Variants in CACNA2D1 observed in about 807,000 individuals in gnomAD.
CACNA2D1 encodes calcium voltage-gated channel auxiliary subunit alpha2delta 1.
Under a neutral mutation model 171.5 loss-of-function variants are expected in CACNA2D1, and 53 were observed. That is an observed-to-expected ratio of 0.31 (90% CI 0.25 to 0.39). The LOEUF (loss-of-function observed/expected upper bound fraction) is 0.39, where lower values mean the gene tolerates loss of function less well. Ranked by LOEUF, CACNA2D1 falls within the 10% of genes least tolerant of loss-of-function variation. CACNA2D1 has a pLI of 1.00. For synonymous variants in CACNA2D1, 442 were observed against 443.1 expected, an observed-to-expected ratio of 1.00 and a Z score of 0.03; for missense variants, 903 against 1,299.8, an observed-to-expected ratio of 0.69 and a Z score of 4.69.
At chr7:82,429,702 GT>G (rs1213021101) in intron 1 of CACNA2D1, among the ~76,000 whole-genome samples, 2 of 152,060 alleles carry the variant, frequency 1.3e-5, no homozygotes, top group African/African-American at 2.4e-5. Flanking sequence ...ATTCCCCTAT[GT>G]TTATTCATTA....
At chr7:81,981,834 T>C (rs1796468845) in intron 24 of CACNA2D1, among the ~76,000 whole-genome samples, 1 of 151,960 alleles carries the variant, frequency 6.6e-6, no homozygotes, top group Admixed American at 6.6e-5. Flanking sequence ...TAGAAAGAAA[T>C]GAGGTGCATC....
intron 19 of CACNA2D1, among the ~76,000 whole-genome samples, 157 bp downstream of exon 19, chr7:81,997,022 G>T (rs1250218251): frequency 6.6e-6 from 1 of 151,962 alleles, no homozygotes. Flanking sequence ...GAAAACCTAG[G>T]ATCTAGAAAA....
intron 3 of CACNA2D1, among the ~76,000 whole-genome samples, chr7:82,179,110 T>G (rs1796850753): frequency 6.6e-6 from 1 of 152,116 alleles, no homozygotes; most frequent in Admixed American, 6.6e-5. Context: ...ATTGCTAGAT[T>G]AACTCAACAC....
At chr7:82,308,536 A>C (rs1353591168) in intron 3 of CACNA2D1, among the ~76,000 whole-genome samples, 1 of 152,176 alleles carries the variant, frequency 6.6e-6, no homozygotes, top group Non-Finnish European at 1.5e-5. Flanking sequence ...CCACCTGTTC[A>C]ACTAAATGGA....
rs1792062955 is a variant in CACNA2D1 at position 81,946,516 on chromosome 7, T to C, written c.*3876A>G. Reference sequence around the variant, plus strand: ...AGATTTAACACAACATTTTCTGGGATTATAAATATTTTATAACAGTATTAT... The same window carrying C: ...AGATTTAACACAACATTTTCTGGGACTATAAATATTTTATAACAGTATTAT... On this transcript the variant is annotated 3_prime_UTR_variant, in exon 39 of 39. Coordinates refer to ENST00000356860, the MANE Select transcript of CACNA2D1 (RefSeq NM_000722.4). 6.6e-6 allele frequency: 1 copy of C among 152,156 alleles called. No homozygotes were observed. Among genetic ancestry groups the C allele is most frequent in the Non-Finnish European group, 1.5e-5 (1 of 68,020 alleles). The allele number at this position is 152,156 out of a possible 1,614,324, so 9.4% of individuals were successfully genotyped here.
At chr7:82,355,950 C>G (rs1820372328) in intron 1 of CACNA2D1, among the ~76,000 whole-genome samples, 2 of 152,012 alleles carry the variant, frequency 1.3e-5, no homozygotes, top group Admixed American at 1.3e-4. Context: ...TCAATATCTT[C>G]CCCCCTCCCC....
At chr7:82,199,678 C>T (rs1374909249) in intron 3 of CACNA2D1, among the ~76,000 whole-genome samples, 2 of 151,972 alleles carry the variant, frequency 1.3e-5, no homozygotes, top group East Asian at 1.9e-4. Context: ...TGAAGTTATA[C>T]ATATTCTCAC....
chr7:82,300,418 C>T (rs984671558), intron 3 of CACNA2D1, among the ~76,000 whole-genome samples: 6 of 151,902 alleles, frequency 3.9e-5, no homozygotes, highest in Admixed American at 3.9e-4. Context: ...ATTTGAAAAG[C>T]TCTTTCATCA....
intron 6 of CACNA2D1, among the ~76,000 whole-genome samples, chr7:82,095,520 G>A (rs763424537): frequency 6.6e-6 from 1 of 152,130 alleles, no homozygotes; most frequent in Non-Finnish European, 1.5e-5. Flanking sequence ...CAATTGCACA[G>A]ACTTCTAGTT....
rs150571440 is a variant in CACNA2D1, at chr7:82,038,263, A to G, written c.880-28T>C. The G allele has an allele frequency of 5.6e-3, 8,872 of 1,583,042 alleles. 46 individuals are homozygous for G. Among genetic ancestry groups the G allele is most frequent in the Non-Finnish European group, 6.5e-3 (7,485 of 1,154,952 alleles). ...GCAAAAGATTAAAAAGTAAATATAT[A>G]AATGAACATTAAAATCAACCATATA... On this transcript the variant is annotated intron_variant, in intron 10 of 38. Coordinates refer to ENST00000356860, the MANE Select transcript of CACNA2D1 (RefSeq NM_000722.4).
chr7:82,011,658 GA>G (rs1285381235), intron 15 of CACNA2D1, among the ~76,000 whole-genome samples: 1 of 152,128 alleles, frequency 6.6e-6, no homozygotes, highest in Non-Finnish European at 1.5e-5. Context: ...AGTTTGTGAT[GA>G]TTTCAGTATA....
At chr7:82,186,987 C>A (rs1430374902) in intron 3 of CACNA2D1, among the ~76,000 whole-genome samples, 1 of 152,176 alleles carries the variant, frequency 6.6e-6, no homozygotes, top group Non-Finnish European at 1.5e-5. Flanking sequence ...CATTAGTATT[C>A]AGTGACTCTA....
At chr7:82,429,885 G>A (rs1159244671) in intron 1 of CACNA2D1, among the ~76,000 whole-genome samples, 2 of 152,124 alleles carry the variant, frequency 1.3e-5, no homozygotes, top group African/African-American at 2.4e-5. Flanking sequence ...TGGACTGACA[G>A]CCAAGCAGCT....
chr7:81,967,211 A>C lies in CACNA2D1; in HGVS notation c.2464-4T>G, dbSNP rs752369061. On this transcript the variant is annotated splice_polypyrimidine_tract_variant and splice_region_variant and intron_variant, in intron 30 of 38. Transcript: ENST00000356860. ...AGTCACAAACTGGACCAGCACACTG[A>C]AAGACAAAAATGCGATTATCACCTC... is the stretch of plus-strand genomic sequence containing the variant. The C allele has an allele frequency of 5.6e-6, 9 of 1,606,888 alleles. No individual in the cohort carries two copies. The Admixed American group carries it at 1.3e-4, about 24-fold the overall frequency.
intron 1 of CACNA2D1, among the ~76,000 whole-genome samples, chr7:82,436,315 A>C (rs1047852699): frequency 6.6e-5 from 10 of 152,106 alleles, no homozygotes; most frequent in Admixed American, 2.0e-4. Flanking sequence ...CCTGCAAGTT[A>C]TTTCTTTCTT....
intron 21 of CACNA2D1, among the ~76,000 whole-genome samples, chr7:81,990,359 T>C (rs1305943800): frequency 6.6e-6 from 1 of 152,142 alleles, no homozygotes. Context: ...ATAATTTTTA[T>C]TTTTCTTTAC....
intron 3 of CACNA2D1, among the ~76,000 whole-genome samples, chr7:82,267,674 G>GA (rs1026381096): frequency 2.7e-4 from 41 of 152,160 alleles, no homozygotes; most frequent in African/African-American, 9.4e-4. Context: ...CTGAATTGAA[G>GA]AAACGAAAGC....
At chr7:82,115,549 A>G (rs1193344230) in intron 6 of CACNA2D1, among the ~76,000 whole-genome samples, 4 of 151,954 alleles carry the variant, frequency 2.6e-5, no homozygotes, top group African/African-American at 9.7e-5. Context: ...ATATATATAC[A>G]CATACAACGT....
chr7:82,422,160 T>G (rs1828774110), intron 1 of CACNA2D1, among the ~76,000 whole-genome samples: 1 of 152,144 alleles, frequency 6.6e-6, no homozygotes, highest in Non-Finnish European at 1.5e-5. Flanking sequence ...CAAGATACAT[T>G]AAATGATGTG....
Sources: gnomAD v4.1 joint callset for allele counts (sites outside exome capture counted in the v4.1 genomes callset) on GRCh38, gnomAD v4.1.1 for gene constraint, MANE v1.5 for transcripts, NCBI Gene and HGNC (gene_info 2026-07-23, HGNC 2026-07-21) for gene names.